The following VEPH1 variants were observed in gnomAD, a reference collection of about 807,000 sequenced individuals.
VEPH1 encodes ventricular zone expressed PH domain containing 1, also known as ventricular zone-expressed PH domain-containing protein homolog 1.
Under a neutral mutation model 85.2 loss-of-function variants are expected in VEPH1, and 80 were observed. That is an observed-to-expected ratio of 0.94 (90% confidence interval 0.78 to 1.13). The LOEUF is 1.13. Ranked by LOEUF, VEPH1 falls within the 50% of genes most tolerant of loss-of-function variation. The pLI is 0.00. For synonymous variants in VEPH1, 297 were observed against 348.0 expected (o/e 0.85, Z 1.63); for missense variants, 955 against 980.5 (o/e 0.97, Z 0.35).
chr3:157,456,595 G>A (rs532577121), intron 4 of VEPH1, among the ~76,000 whole-genome samples: 1 of 152,146 alleles, frequency 6.6e-6, no homozygotes, highest in Non-Finnish European at 1.5e-5. Context: ...CATATGACTA[G>A]GCAGTTATTC....
chr3:157,386,306 A>G (rs1041213015), intron 6 of VEPH1, among the ~76,000 whole-genome samples: 1 of 150,694 alleles, frequency 6.6e-6, no homozygotes, highest in Non-Finnish European at 1.5e-5. Flanking sequence ...CAAATAACAC[A>G]AGGTTTTTTT....
chr3:157,344,761 C>T (rs1011176064), intron 9 of VEPH1, among the ~76,000 whole-genome samples: 29 of 152,146 alleles, frequency 1.9e-4, no homozygotes, highest in Non-Finnish European at 4.3e-4. Context: ...CATCACGCTA[C>T]CTGACTTCAA....
At chr3:157,364,213 T>C in intron 8 of VEPH1, 90 bp downstream of exon 8, 1 of 988,604 alleles carries the variant, frequency 1.0e-6, no homozygotes, top group Non-Finnish European at 1.5e-6. Flanking sequence ...GGGTAAAAGA[T>C]ATATAAAAAA....
intron 12 of VEPH1, among the ~76,000 whole-genome samples, chr3:157,269,694 G>T (rs185765722): frequency 3.5e-4 from 49 of 141,328 alleles, no homozygotes; most frequent in African/African-American, 1.3e-3. Context: ...GGCTGGGGAC[G>T]TGTCATTTTA....
chr3:157,382,689 G>A (rs190162357), intron 6 of VEPH1, among the ~76,000 whole-genome samples: 90 of 152,130 alleles, frequency 5.9e-4, no homozygotes, highest in Admixed American at 4.2e-3. Flanking sequence ...TACTCTTCTC[G>A]TTAGGAATTC....
At chr3:157,453,779 G>C (rs746721102) in intron 4 of VEPH1, among the ~76,000 whole-genome samples, 5 of 152,158 alleles carry the variant, frequency 3.3e-5, no homozygotes, top group Non-Finnish European at 5.9e-5. Context: ...CTTAAAGTTT[G>C]ATGGGCTCAT....
intron 2 of VEPH1, among the ~76,000 whole-genome samples, chr3:157,484,958 C>T (rs1014597479): frequency 7.9e-5 from 12 of 152,108 alleles, no homozygotes; most frequent in African/African-American, 2.9e-4. Flanking sequence ...ATTTCTCCTG[C>T]CCTCAATTGT....
intron 6 of VEPH1, among the ~76,000 whole-genome samples, chr3:157,396,230 C>A (rs532094303): frequency 3.9e-5 from 6 of 152,310 alleles, no homozygotes; most frequent in African/African-American, 1.4e-4. Flanking sequence ...TAATGACTTC[C>A]AGCTCCATCC....
chr3:157,455,628 C>A (rs375115477), intron 4 of VEPH1, among the ~76,000 whole-genome samples: 1 of 152,054 alleles, frequency 6.6e-6, no homozygotes, highest in East Asian at 1.9e-4. Flanking sequence ...TCTATGTGTC[C>A]AGGTATTGTC....
chr3:157,330,386 G>C (rs1722367289), intron 9 of VEPH1, among the ~76,000 whole-genome samples: 1 of 152,172 alleles, frequency 6.6e-6, no homozygotes, highest in East Asian at 1.9e-4. Context: ...ATAGCTTATT[G>C]CTCAAAGGAA....
intron 7 of VEPH1, among the ~76,000 whole-genome samples, chr3:157,365,184 G>A (rs1239650500): frequency 6.6e-6 from 1 of 152,152 alleles, no homozygotes; most frequent in Non-Finnish European, 1.5e-5. Context: ...GCTAGAATAA[G>A]CACCTACAAA....
intron 11 of VEPH1, among the ~76,000 whole-genome samples, chr3:157,307,542 C>A (rs1719647560): frequency 6.6e-6 from 1 of 151,936 alleles, no homozygotes; most frequent in Admixed American, 6.5e-5. Flanking sequence ...AATCCCCCTT[C>A]TATCACCTAC....
chr3:157,363,808 A>G, intron 8 of VEPH1, 47 bp from the exon 9 acceptor site: 1 of 1,575,818 alleles, frequency 6.3e-7, no homozygotes, highest in Non-Finnish European at 8.6e-7. Flanking sequence ...GTTACCATTC[A>G]CTGACAAGGA....
At chr3:157,312,650 T>C (rs1197758790) in intron 11 of VEPH1, among the ~76,000 whole-genome samples, 2 of 152,232 alleles carry the variant, frequency 1.3e-5, no homozygotes, top group East Asian at 1.9e-4. Flanking sequence ...TGGATTCTTC[T>C]ATTTTTCTTA....
At chr3:157,463,561 G>A (rs115171814) in intron 3 of VEPH1, among the ~76,000 whole-genome samples, 160 of 152,220 alleles carry the variant, frequency 1.1e-3, no homozygotes, top group Non-Finnish European at 1.7e-3. Context: ...TTACTGATAC[G>A]ATGAGCTTTG....
intron 7 of VEPH1, among the ~76,000 whole-genome samples, chr3:157,364,957 A>G (rs1426141944): frequency 6.6e-6 from 1 of 152,246 alleles, no homozygotes; most frequent in East Asian, 1.9e-4. Flanking sequence ...TTTTTAAAAA[A>G]TCAGTATAAC....
chr3:157,475,245 G>A (rs1351543387), intron 2 of VEPH1, among the ~76,000 whole-genome samples: 3 of 145,120 alleles, frequency 2.1e-5, no homozygotes, highest in Non-Finnish European at 3.0e-5. Flanking sequence ...TCCCCACCTT[G>A]GCTTCCCAAA....
intron 5 of VEPH1, among the ~76,000 whole-genome samples, chr3:157,415,478 A>T (rs1460516951): frequency 6.6e-6 from 1 of 152,106 alleles, no homozygotes; most frequent in Non-Finnish European, 1.5e-5. Flanking sequence ...CGGGACATGG[A>T]GCTGAGATCA....
At chr3:157,297,052 G>A (rs1359594850) in intron 11 of VEPH1, among the ~76,000 whole-genome samples, 1 of 152,140 alleles carries the variant, frequency 6.6e-6, no homozygotes, top group Non-Finnish European at 1.5e-5. Context: ...CAGATTGCTT[G>A]AGCTCAGGAA....
Sources: allele counts gnomAD v4.1 joint callset (sites outside exome capture counted in the v4.1 genomes callset), GRCh38; gene constraint gnomAD v4.1.1; transcripts MANE v1.5; gene names NCBI Gene and HGNC (gene_info 2026-07-23, HGNC 2026-07-21).